Variants in CDK10 observed in about 807,000 individuals in gnomAD.
The protein encoded by CDK10 is cyclin-dependent kinase 10.
CDK10 carries 55 observed loss-of-function variants against 51.0 expected under a neutral mutation model. The ratio of observed to expected loss-of-function variants is 1.08; its 90% CI spans 0.87 to 1.35. CDK10 has a LOEUF of 1.35. CDK10 is among the 40% of genes most tolerant of loss of function. CDK10 has a pLI of 0.00. For synonymous variants in CDK10, 255 were observed against 199.1 expected (o/e 1.28, Z -2.36); for missense variants, 589 against 485.1 (o/e 1.21, Z -2.01).
At position 89,686,812 on chromosome 16, in the gene CDK10, ACCCGGG is replaced by A; in HGVS notation, c.87+17_87+22del. On this transcript the variant is annotated intron_variant, in intron 1 of 12. Transcript: ENST00000353379. The stretch of plus-strand genomic sequence containing the variant: ...CGGAACACAGGGTGCGCGGGGTGCC[ACCCGGG>A]CAGCTCTGCCCGCCTCGCTAGCGGC... 6.3e-7 allele frequency: 1 copy of A among 1,589,934 alleles called. No homozygotes were observed. Among genetic ancestry groups the A allele is most frequent in the Non-Finnish European group, 8.6e-7 (1 of 1,166,378 alleles).
At position 89,690,678 on chromosome 16, in the gene CDK10, G is replaced by A. The variant is rs372448733; in HGVS notation, c.232+54G>A. 2.0e-5 allele frequency: 29 copies of A among 1,462,832 alleles called. No homozygotes were observed. The African/African-American group carries it at 3.5e-4, about 18-fold the overall frequency. 90.6% of individuals were successfully genotyped at this position (1,462,832 alleles called of 1,614,324 possible). A position where few individuals can be genotyped will look rare whatever the true frequency, so the allele number is the denominator to read the frequency against. ...TCGCACTGGGAGGAGGCAGAAGGAT[G>A]TGAGTTACCTGAAGTTTCCTCAGAG... On this transcript the variant is annotated intron_variant, in intron 3 of 12. Coordinates refer to ENST00000353379, the MANE Select transcript of CDK10 (RefSeq NM_052988.5).
chr16:89,694,983 A>C lies in CDK10; in HGVS notation c.845A>C (p.Tyr282Ser). ...VGQYSLRKQP[Y>S]NNLKHKFPWL... ...CAGTACAGCCTCCGGAAGCAGCCCTACAACAACCTGAAGCACAAGTTCCCA... is the reference window on the plus strand; with the variant it reads ...CAGTACAGCCTCCGGAAGCAGCCCTCCAACAACCTGAAGCACAAGTTCCCA... Residue 282 changes from tyrosine to serine, a missense_variant, in exon 11 of 13, where the codon TAC (tyrosine) becomes TCC (serine). Tyr to Ser is a moderately radical substitution (Grantham distance 144, BLOSUM62 -2). Transcript: ENST00000353379. The C allele has an allele frequency of 6.2e-7, 1 of 1,613,444 alleles. No individual in the cohort carries two copies. Among genetic ancestry groups the C allele is most frequent in the Non-Finnish European group, 8.5e-7 (1 of 1,180,034 alleles).
chr16:89,687,844 G>T (rs1390889151), intron 1 of CDK10: 18 of 346,900 alleles, frequency 5.2e-5, no homozygotes, highest in South Asian at 3.9e-4. Flanking sequence ...GCGGGAAAGG[G>T]AGTTTGAGAC....
rs531508745 is a variant in CDK10 at position 89,689,142 on chromosome 16, T to C, written c.88-110T>C. ...GCCCAAACGTGTGGTTGCCTTTCTG[T>C]TTGGTGAGCAAGACGTGAGTGGGCT... On this transcript the variant is annotated intron_variant, in intron 1 of 12. Transcript: ENST00000353379. The C allele has an allele frequency of 1.7e-4, 164 of 961,422 alleles. 1 individual carries two copies. The South Asian group carries it at 2.3e-3, about 13-fold the overall frequency. The allele number at this position is 961,422 out of a possible 1,614,324, so 59.6% of individuals were successfully genotyped here.
intron 12 of CDK10, 92 bp from the exon 13 acceptor site, chr16:89,695,503 C>T (rs1015178393): frequency 2.7e-6 from 4 of 1,502,094 alleles, no homozygotes; most frequent in Admixed American, 1.9e-5. Context: ...CAGCCCAGGG[C>T]CAGGTCCAGA....
intron 2 of CDK10, 143 bp from the exon 3 acceptor site, chr16:89,690,410 G>C (rs1158580230): frequency 1.4e-6 from 1 of 716,660 alleles, no homozygotes; most frequent in East Asian, 2.6e-5. Flanking sequence ...GTTGCACAGA[G>C]TGGGGACTGA....
chr16:89,688,709 A>G (rs914923784), intron 1 of CDK10, among the ~76,000 whole-genome samples: 2 of 152,164 alleles, frequency 1.3e-5, no homozygotes, highest in African/African-American at 4.8e-5. Context: ...CCACAGATGT[A>G]TTTTTGTATG....
intron 9 of CDK10, 59 bp from the exon 10 acceptor site, chr16:89,694,606 C>T (rs1443402777): frequency 1.9e-6 from 3 of 1,552,954 alleles, no homozygotes; most frequent in Admixed American, 1.9e-5. Flanking sequence ...GTCCTCTGTT[C>T]CTCGCGCTGG....
rs939449755 is a variant in CDK10, at chr16:89,696,028, C to T, written c.*336C>T. 3 of 588,364 alleles carry T rather than the reference C, an allele frequency of 5.1e-6. No individual in the cohort carries two copies. Among genetic ancestry groups the T allele is most frequent in the Non-Finnish European group, 6.1e-6 (2 of 328,792 alleles). 36.4% of individuals were successfully genotyped at this position (588,364 alleles called of 1,614,324 possible). ...GGGAGGAGTGGTGGGTGCAGTCCCC[C>T]CGCTGTCTTTGAGTTGTGGTGGACG... is the stretch of plus-strand genomic sequence containing the variant. On this transcript the variant is annotated 3_prime_UTR_variant, in exon 13 of 13. Transcript: ENST00000353379.
At chr16:89,689,076 G>A (rs141989459) in intron 1 of CDK10, among the ~76,000 whole-genome samples, 176 bp from the exon 2 acceptor site, 2,121 of 152,206 alleles carry the variant, frequency 0.014, 157 homozygotes, top group Admixed American at 0.12. Flanking sequence ...CTCCAGCCTG[G>A]GCAACAGAGC....
intron 1 of CDK10, 192 bp downstream of exon 1, chr16:89,686,989 G>A (rs949406966): frequency 2.7e-5 from 14 of 514,726 alleles, no homozygotes; most frequent in Non-Finnish European, 3.7e-5. Flanking sequence ...GCCGGTCCCT[G>A]GAGATCTGAG....
In CDK10 at chr16:89,695,019, A is replaced by G. The variant is rs1597876512; in HGVS notation, c.881A>G (p.Glu294Gly). ...NLKHKFPWLS[E>G]AGLRLLHFLF... is the part of the protein sequence containing the mutation. ...AAGCACAAGTTCCCATGGCTGTCGG[A>G]GGCCGGGCTGCGCCTGCTGCACTTC... The change falls in exon 11 of 13, where the codon GAG (glutamate) becomes GGG (glycine). Residue 294 changes from glutamate (E) to glycine (G), a missense_variant. Coordinates refer to ENST00000353379, the MANE Select transcript of CDK10 (RefSeq NM_052988.5). 1 of 1,613,270 alleles carries G rather than the reference A, an allele frequency of 6.2e-7. No individual in the cohort carries two copies. The highest frequency in any genetic ancestry group is 8.5e-7 in the Non-Finnish European group (1 of 1,180,012).
chr16:89,692,396 G>A, intron 5 of CDK10, 53 bp from the exon 6 acceptor site: 1 of 1,407,860 alleles, frequency 7.1e-7, no homozygotes, highest in South Asian at 1.4e-5. Context: ...GCAGGGCCCA[G>A]CTGGGCTTCC....
intron 1 of CDK10, among the ~76,000 whole-genome samples, chr16:89,688,838 C>T (rs914873155): frequency 6.6e-6 from 1 of 152,222 alleles, no homozygotes. Flanking sequence ...CGGTGGCTCA[C>T]GCTTGTAATC....
Position 89,695,650 on chromosome 16 carries a change from C to T in CDK10, c.1041C>T (p.Ala347=). The change falls in exon 13 of 13, where the codon GCC becomes GCT. Residue 347 remains alanine (A), a synonymous_variant. Transcript: ENST00000353379. Reference sequence around the variant, plus strand: ...CCCACCACCGCAACAAGCGGGCCGCCCCAGCCACCTCCGAGGGCCAGAGCA... The same window carrying T: ...CCCACCACCGCAACAAGCGGGCCGCTCCAGCCACCTCCGAGGGCCAGAGCA... ...TFPHHRNKRA[A]PATSEGQSKR... is the part of the protein sequence containing the mutation. 6 of 1,604,964 alleles carry T rather than the reference C, an allele frequency of 3.7e-6. No homozygotes were observed. The highest frequency in any genetic ancestry group is 5.1e-6 in the Non-Finnish European group (6 of 1,177,378).
chr16:89,694,096 G>C, intron 8 of CDK10, 77 bp from the exon 9 acceptor site: 1 of 1,449,554 alleles, frequency 6.9e-7, no homozygotes, highest in South Asian at 1.1e-5. Flanking sequence ...ACAGGCTCTC[G>C]GGGAGGCTGT....
At chr16:89,694,372 G>C in intron 9 of CDK10, 140 bp downstream of exon 9, 1 of 980,580 alleles carries the variant, frequency 1.0e-6, no homozygotes, top group East Asian at 2.6e-5. Flanking sequence ...CCAGGGAGGT[G>C]GGCCTGAGCC....
At chr16:89,694,449 A>G (rs1391000288) in intron 9 of CDK10, 4 of 887,342 alleles carry the variant, frequency 4.5e-6, no homozygotes, top group African/African-American at 3.3e-5. Context: ...AGAGGTCTGG[A>G]GGAGGCACGC....
chr16:89,694,688 A>T lies in CDK10; in HGVS notation c.692A>T (p.Glu231Val). 1.3e-6 allele frequency: 2 copies of T among 1,589,218 alleles called. No homozygotes were observed. The change falls in exon 10 of 13, where the codon GAG becomes GTG. Residue 231 changes from glutamate (E) to valine (V), a missense_variant. Physicochemically the swap from Glu to Val is moderately radical, Grantham distance 121. Coordinates refer to ENST00000353379, the MANE Select transcript of CDK10 (RefSeq NM_052988.5). ...DMWAVGCILA[E>V]LLAHRPLLPG... ...AGGGCTGTGGGCTGCATACTGGCCG[A>T]GCTGCTGGCGCACAGGCCTCTTCTC...
Sources: gnomAD v4.1 joint callset for allele counts (sites outside exome capture counted in the v4.1 genomes callset) on GRCh38, gnomAD v4.1.1 for gene constraint, MANE v1.5 for transcripts, NCBI Gene and HGNC (gene_info 2026-07-23, HGNC 2026-07-21) for gene names.